Variants in DRC9 observed in about 807,000 individuals in gnomAD.
DRC9 encodes dynein regulatory complex protein 9.
chr3:197,957,897 C>A, the DRC9 span: 1 of 152,126 alleles, frequency 6.6e-6, no homozygotes, highest in African/African-American at 2.4e-5. Flanking sequence ...AGAAATAGGG[C>A]GGCATCTCAA....
At chr3:197,901,622 C>A in the DRC9 span, among the ~76,000 whole-genome samples, 1 of 152,256 alleles carries the variant, frequency 6.6e-6, no homozygotes, top group Admixed American at 6.5e-5. The surrounding 1 kb of genome is among the most constrained non-coding windows in gnomAD (Gnocchi z 4.4). Context: ...TAGTAGTGGC[C>A]ATGAGCAGCG....
the DRC9 span, chr3:197,951,489 AT>A: frequency 1.5e-6 from 1 of 656,998 alleles, no homozygotes; most frequent in Non-Finnish European, 2.6e-6. Flanking sequence ...AGTAGCTGGG[AT>A]TACAGGCGCC....
At chr3:197,942,346 T>C in the DRC9 span, among the ~76,000 whole-genome samples, 5 of 115,514 alleles carry the variant, frequency 4.3e-5, no homozygotes, top group Non-Finnish European at 8.0e-5. Flanking sequence ...ATCGCGCCAC[T>C]GCACTCCAGC....
chr3:197,944,306 T>C, the DRC9 span, among the ~76,000 whole-genome samples: 4 of 151,820 alleles, frequency 2.6e-5, no homozygotes, highest in Non-Finnish European at 5.9e-5. Flanking sequence ...TTGCCCAGGC[T>C]GGAGTGCAAT....
At chr3:197,950,042 T>C in the DRC9 span, 94 of 985,336 alleles carry the variant, frequency 9.5e-5, no homozygotes, top group Non-Finnish European at 1.2e-4. Flanking sequence ...CTTAGGAAAA[T>C]AATTGTAAGA....
the DRC9 span, among the ~76,000 whole-genome samples, chr3:197,899,436 G>A: frequency 2.6e-5 from 4 of 152,130 alleles, no homozygotes; most frequent in Non-Finnish European, 4.4e-5. Context: ...CAAAGTAAAA[G>A]TCTAGGCTGG....
the DRC9 span, among the ~76,000 whole-genome samples, chr3:197,923,315 G>A: frequency 6.6e-6 from 1 of 152,134 alleles, no homozygotes. Flanking sequence ...ATTTTTATAA[G>A]TTATTTATTT....
chr3:197,891,811 A>G, the DRC9 span, among the ~76,000 whole-genome samples: 20 of 152,218 alleles, frequency 1.3e-4, no homozygotes, highest in African/African-American at 3.6e-4. Flanking sequence ...TGTGTGATCA[A>G]TGATCTCAAA....
the DRC9 span, among the ~76,000 whole-genome samples, chr3:197,914,246 C>T: frequency 6.6e-6 from 1 of 152,100 alleles, no homozygotes; most frequent in African/African-American, 2.4e-5. Flanking sequence ...AGAATCAGGG[C>T]GCATCAGGGC....
At chr3:197,923,448 G>T in the DRC9 span, among the ~76,000 whole-genome samples, 1 of 152,078 alleles carries the variant, frequency 6.6e-6, no homozygotes, top group Admixed American at 6.6e-5. Context: ...ATATTCTCAG[G>T]CCCAGTGCAG....
the DRC9 span, among the ~76,000 whole-genome samples, chr3:197,910,482 G>A: frequency 1.3e-5 from 2 of 152,090 alleles, no homozygotes; most frequent in African/African-American, 4.8e-5. Context: ...TTCTTAAAGT[G>A]CAGGGCTACA....
At chr3:197,931,050 A>G in the DRC9 span, among the ~76,000 whole-genome samples, 1 of 151,902 alleles carries the variant, frequency 6.6e-6, no homozygotes, top group Non-Finnish European at 1.5e-5. Flanking sequence ...GAAAAAAAAA[A>G]GAAAAGAAAA....
At chr3:197,932,670 T>TA in the DRC9 span, among the ~76,000 whole-genome samples, 7 of 147,588 alleles carry the variant, frequency 4.7e-5, no homozygotes, top group Non-Finnish European at 1.5e-5. Context: ...AATAAATAAA[T>TA]AATATTTTCA....
chr3:197,928,409 C>T, the DRC9 span, among the ~76,000 whole-genome samples: 3 of 146,878 alleles, frequency 2.0e-5, no homozygotes, highest in South Asian at 2.1e-4. Context: ...AGTGCAGTGG[C>T]GCAATCTCGG....
chr3:197,905,793 T>G, the DRC9 span, among the ~76,000 whole-genome samples: 1 of 151,936 alleles, frequency 6.6e-6, no homozygotes, highest in African/African-American at 2.4e-5. Flanking sequence ...ATCCCAAGAA[T>G]TTGAAGATGA....
At chr3:197,953,038 A>T in the DRC9 span, among the ~76,000 whole-genome samples, 45 of 152,054 alleles carry the variant, frequency 3.0e-4, no homozygotes, top group African/African-American at 1.1e-3. Flanking sequence ...TGACCTCGTG[A>T]TCCACCCGCC....
the DRC9 span, chr3:197,889,346 C>T: frequency 3.7e-6 from 2 of 542,168 alleles, no homozygotes; most frequent in South Asian, 5.0e-5. Context: ...AACTTCTTCC[C>T]AGCAAGGTAT....
At chr3:197,904,101 TATATATATA>T in the DRC9 span, among the ~76,000 whole-genome samples, 103 of 45,848 alleles carry the variant, frequency 2.2e-3, 4 homozygotes, top group African/African-American at 4.5e-3. Flanking sequence ...TATATATATA[TATATATATA>T]TTTTTTTTTT....
chr3:197,937,098 C>T, the DRC9 span, among the ~76,000 whole-genome samples: 5 of 152,162 alleles, frequency 3.3e-5, no homozygotes, highest in African/African-American at 4.8e-5. Flanking sequence ...TGGGCGATGC[C>T]GTATTCCAAT....
Sources: allele counts gnomAD v4.1 joint callset (sites outside exome capture counted in the v4.1 genomes callset), GRCh38; gene constraint gnomAD v4.1.1; non-coding constraint Gnocchi (gnomAD v3.1); transcripts MANE v1.5; gene names NCBI Gene and HGNC (gene_info 2026-07-23, HGNC 2026-07-21).